CCSER1: variants seen among roughly 807,000 people sequenced by gnomAD.
CCSER1 encodes coiled-coil serine rich protein 1.
Under a neutral mutation model 82.0 loss-of-function variants are expected in CCSER1, and 41 were observed. That is an observed-to-expected ratio of 0.50 (90% confidence interval 0.39 to 0.65). The LOEUF (loss-of-function observed/expected upper bound fraction) is 0.65, where lower values mean the gene tolerates loss of function less well. CCSER1 is among the 30% of genes least tolerant of loss of function. The pLI, the probability that CCSER1 is intolerant of heterozygous loss-of-function variation, is 0.00. For missense variants in CCSER1, 1,119 were observed against 1,064.2 expected (o/e 1.05, Z -0.72); for synonymous variants, 414 against 383.9 (o/e 1.08, Z -0.92).
chr4:90,361,592 G>A (rs1270187856), intron 3 of CCSER1, among the ~76,000 whole-genome samples: 1 of 152,162 alleles, frequency 6.6e-6, no homozygotes, highest in Admixed American at 6.5e-5. Context: ...GTGCAATTGA[G>A]CCTATCACCC....
intron 10 of CCSER1, among the ~76,000 whole-genome samples, chr4:91,539,403 G>GAAATTTTCTAGAACA (rs1761472766): frequency 6.6e-6 from 1 of 151,928 alleles, no homozygotes; most frequent in Non-Finnish European, 1.5e-5. Context: ...ATTTTCTGAA[G>GAAATTTTCTAGAACA]TTAATATTCT....
At position 91,598,802 on chromosome 4, in the gene CCSER1, C is replaced by T. The variant is rs1479835364; in HGVS notation, c.2448C>T (p.Asp816=). The change falls in exon 11 of 11, where the codon GAC becomes GAT. Residue 816 remains aspartate (D), a synonymous_variant. Transcript: ENST00000509176. ...SRGTYETLTS[D]VTQNLRATVG... The stretch of plus-strand genomic sequence containing the variant: ...GAACTTATGAAACCCTCACTTCAGA[C>T]GTTACACAGAACTTACGGGCCACCG... 7.1e-6 allele frequency: 11 copies of T among 1,551,486 alleles called. No individual in the cohort carries two copies. The highest frequency in any genetic ancestry group is 1.4e-5 in the African/African-American group (1 of 73,032).
Position 91,161,335 on chromosome 4 carries a change from G to T in CCSER1, c.2217+75341G>T, listed in dbSNP as rs558114653. Among the ~76,000 whole-genome samples the T allele has an allele frequency of 5.3e-5, 8 of 152,250 alleles. No homozygotes were observed. In the South Asian group the frequency reaches 1.5e-3, roughly 28 times the overall value. On this transcript the variant is annotated intron_variant, in intron 10 of 10. Transcript: ENST00000509176. ...GTAGTATAGTTTGAAGTCAGGTAGG[G>T]TGATGCTTCCAGCTTTGTTCTTTTT...
intron 10 of CCSER1, among the ~76,000 whole-genome samples, chr4:91,154,672 C>G (rs1353242602): frequency 2.6e-5 from 4 of 151,870 alleles, no homozygotes; most frequent in African/African-American, 9.7e-5. Flanking sequence ...AACCTTTTTC[C>G]CAGACATTCT....
At chr4:90,990,824 G>T (rs1736965354) in intron 9 of CCSER1, among the ~76,000 whole-genome samples, 1 of 151,900 alleles carries the variant, frequency 6.6e-6, no homozygotes, top group Non-Finnish European at 1.5e-5. Flanking sequence ...GCATTTATGG[G>T]AACAACAAGA....
intron 10 of CCSER1, among the ~76,000 whole-genome samples, chr4:91,546,703 C>T (rs1202443768): frequency 6.6e-6 from 1 of 151,748 alleles, no homozygotes; most frequent in Non-Finnish European, 1.5e-5. Context: ...TCATTGCTCT[C>T]TATTGATTTC....
At chr4:91,097,661 T>G (rs1724641162) in intron 10 of CCSER1, among the ~76,000 whole-genome samples, 1 of 152,178 alleles carries the variant, frequency 6.6e-6, no homozygotes, top group East Asian at 1.9e-4. Context: ...ACATACTCAT[T>G]CCATTACTGC....
Position 90,427,037 on chromosome 4 carries a change from A to G in CCSER1, c.1603+26908A>G, listed in dbSNP as rs1757616999. 3.3e-5 allele frequency among the ~76,000 whole-genome samples: 5 copies of G among 152,212 alleles called. No individual in the cohort carries two copies. In the South Asian group the frequency reaches 8.3e-4, roughly 25 times the overall value. ...ATGTTAAATAGGAATCCTTAAAAGT[A>G]AATACTTATCAAAGACAGCTTCCTT... On this transcript the variant is annotated intron_variant, in intron 4 of 10. Coordinates refer to ENST00000509176, the MANE Select transcript of CCSER1 (RefSeq NM_001145065.2).
At chr4:90,820,112 G>C (rs929531503) in intron 8 of CCSER1, among the ~76,000 whole-genome samples, 1 of 152,138 alleles carries the variant, frequency 6.6e-6, no homozygotes, top group South Asian at 2.1e-4. Flanking sequence ...TGGGGCCTTA[G>C]CTTTCTTTAC....
At chr4:90,216,907 G>C (rs116830477) in intron 1 of CCSER1, among the ~76,000 whole-genome samples, 1 of 152,042 alleles carries the variant, frequency 6.6e-6, no homozygotes, top group Non-Finnish European at 1.5e-5. Context: ...TGATTCTTCC[G>C]ACCCTTGAAC....
chr4:90,575,666 T>C (rs1780660523), intron 5 of CCSER1, among the ~76,000 whole-genome samples: 1 of 152,232 alleles, frequency 6.6e-6, no homozygotes, highest in South Asian at 2.1e-4. Flanking sequence ...TTTTGCTTTA[T>C]AGAATAAAAC....
At chr4:90,927,907 G>T (rs10015719) in intron 9 of CCSER1, among the ~76,000 whole-genome samples, 251 of 152,092 alleles carry the variant, frequency 1.7e-3, no homozygotes, top group African/African-American at 5.8e-3. Context: ...TATTATGTCT[G>T]CCTGTGGATT....
chr4:90,664,455 A>G (rs184976558), intron 6 of CCSER1, among the ~76,000 whole-genome samples: 5 of 152,288 alleles, frequency 3.3e-5, no homozygotes, highest in Admixed American at 2.6e-4. Flanking sequence ...CATTAAAGCA[A>G]TTTGTTAATA....
chr4:91,538,301 C>T (rs1031517204), intron 10 of CCSER1, among the ~76,000 whole-genome samples: 2 of 151,806 alleles, frequency 1.3e-5, no homozygotes, highest in Non-Finnish European at 2.9e-5. Flanking sequence ...TTCTTCTCAG[C>T]TTTTTGGATA....
intron 7 of CCSER1, among the ~76,000 whole-genome samples, chr4:90,805,523 C>G (rs546022819): frequency 8.5e-5 from 13 of 152,278 alleles, no homozygotes; most frequent in African/African-American, 3.1e-4. Context: ...GCAGAGTCAT[C>G]ATATTCTATT....
intron 7 of CCSER1, among the ~76,000 whole-genome samples, chr4:90,811,885 T>C (rs61575112): frequency 0.34 from 49,779 of 146,940 alleles, 8,433 homozygotes; most frequent in East Asian, 0.42. Flanking sequence ...TTCTTTAGAG[T>C]GACAGAACTG....
chr4:90,613,393 A>G (rs1720615050), intron 5 of CCSER1, among the ~76,000 whole-genome samples: 1 of 152,176 alleles, frequency 6.6e-6, no homozygotes, highest in Non-Finnish European at 1.5e-5. Context: ...ACAGAAGAAT[A>G]TATTACCAAA....
chr4:91,431,870 G>T (rs1163343464), intron 10 of CCSER1, among the ~76,000 whole-genome samples: 1 of 149,598 alleles, frequency 6.7e-6, no homozygotes, highest in African/African-American at 2.5e-5. Flanking sequence ...TAGTTCACAG[G>T]TTTTTTTTTT....
chr4:91,288,547 A>G (rs897869920), intron 10 of CCSER1, among the ~76,000 whole-genome samples: 1 of 152,016 alleles, frequency 6.6e-6, no homozygotes, highest in African/African-American at 2.4e-5. Flanking sequence ...GACCTCACTG[A>G]ATGCTCACAT....
Sources: gnomAD v4.1 joint callset for allele counts (sites outside exome capture counted in the v4.1 genomes callset) on GRCh38, gnomAD v4.1.1 for gene constraint, MANE v1.5 for transcripts, NCBI Gene and HGNC (gene_info 2026-07-23, HGNC 2026-07-21) for gene names.